Variants in UBOX5 observed in about 807,000 individuals in gnomAD.
UBOX5 encodes U-box domain containing 5.
A neutral mutation model predicts 39.0 loss-of-function variants in UBOX5; 28 were observed. The ratio of observed to expected loss-of-function variants is 0.72; its 90% CI spans 0.53 to 0.98. UBOX5 has a LOEUF of 0.98. Ranked by LOEUF, UBOX5 falls within the 50% of genes least tolerant of loss-of-function variation. UBOX5 has a pLI of 0.00. For missense variants in UBOX5, 585 were observed against 674.4 expected, an observed-to-expected ratio of 0.87 and a Z score of 1.47; for synonymous variants, 283 against 275.5, an observed-to-expected ratio of 1.03 and a Z score of -0.27.
chr20:3,112,899 G>C (rs2066264363), intron 4 of UBOX5, among the ~76,000 whole-genome samples: 1 of 152,106 alleles, frequency 6.6e-6, no homozygotes, highest in African/African-American at 2.4e-5. Flanking sequence ...CAGGGAGAAA[G>C]AGGTTGCAGT....
chr20:3,158,681 A>G (rs2066715181), intron 1 of UBOX5, among the ~76,000 whole-genome samples: 1 of 151,936 alleles, frequency 6.6e-6, no homozygotes, highest in Admixed American at 6.6e-5. Flanking sequence ...TCACCATATT[A>G]GCCAAGATGG....
Position 3,121,876 on chromosome 20 carries a change from T to G in UBOX5, c.763A>C (p.Ile255Leu). 6.2e-7 allele frequency: 1 copy of G among 1,613,986 alleles called. No homozygotes were observed. The highest frequency in any genetic ancestry group is 8.5e-7 in the Non-Finnish European group (1 of 1,180,036). The change falls in exon 3 of 5, where the codon ATC becomes CTC. Residue 255 changes from isoleucine (I) to leucine (L), a missense_variant. Transcript: ENST00000217173. ...AACTCCTCAGGCACATCCTGAATGA[T>G]CTCGGCCAGCTTCTGCAGGCTGGAG... ...APSSLQKLAE[I>L]IQDVPEEFLD...
At chr20:3,141,904 T>C (rs528895689) in intron 1 of UBOX5, among the ~76,000 whole-genome samples, 1 of 152,108 alleles carries the variant, frequency 6.6e-6, no homozygotes, top group African/African-American at 2.4e-5. Flanking sequence ...TCCCAGCTAC[T>C]TGGAAGGCTG....
chr20:3,131,256 G>A (rs1219276301), intron 1 of UBOX5, among the ~76,000 whole-genome samples: 5 of 151,034 alleles, frequency 3.3e-5, no homozygotes, highest in Non-Finnish European at 5.9e-5. Flanking sequence ...ATGCCTCTTT[G>A]AACATAATGT....
chr20:3,134,144 T>G (rs772339858), intron 1 of UBOX5, among the ~76,000 whole-genome samples: 4 of 152,132 alleles, frequency 2.6e-5, no homozygotes, highest in Non-Finnish European at 4.4e-5. Flanking sequence ...AGTCATGTAT[T>G]TTAATATACC....
At chr20:3,134,749 C>T (rs971114652) in intron 1 of UBOX5, among the ~76,000 whole-genome samples, 2 of 147,702 alleles carry the variant, frequency 1.4e-5, no homozygotes, top group Non-Finnish European at 1.5e-5. Context: ...ATCCCAGCTA[C>T]TCGGGAGGCT....
chr20:3,126,621 G>C (rs1246324300), intron 1 of UBOX5, among the ~76,000 whole-genome samples: 3 of 151,330 alleles, frequency 2.0e-5, no homozygotes, highest in Non-Finnish European at 4.4e-5. Flanking sequence ...GAGGGAGGGA[G>C]GGAGTGAAGG....
At chr20:3,132,598 C>T (rs2066438057) in intron 1 of UBOX5, among the ~76,000 whole-genome samples, 1 of 151,568 alleles carries the variant, frequency 6.6e-6, no homozygotes, top group Non-Finnish European at 1.5e-5. Context: ...GCGGGCAGAT[C>T]ACTTGAGGTC....
chr20:3,115,503 A>G, intron 3 of UBOX5, 37 bp from the exon 4 acceptor site: 1 of 1,571,004 alleles, frequency 6.4e-7, no homozygotes, highest in Non-Finnish European at 8.6e-7. Flanking sequence ...ATCCAGAGAC[A>G]GGCTCCGCAA....
chr20:3,141,065 C>T lies in UBOX5; in HGVS notation c.-41-17659G>A, dbSNP rs182468746. On this transcript the variant is annotated intron_variant, in intron 1 of 4. Transcript: ENST00000217173. ...TCCCAAGTAGCTGGGATTACAGACA[C>T]GTGCCATCATGCCCGGCTAATTTCT... Among the ~76,000 whole-genome samples the T allele has an allele frequency of 2.6e-5, 4 of 151,588 alleles. No individual in the cohort carries two copies. In the East Asian group the frequency reaches 5.9e-4, roughly 22 times the overall value.
intron 1 of UBOX5, among the ~76,000 whole-genome samples, chr20:3,126,419 C>T (rs528708553): frequency 5.3e-5 from 8 of 151,122 alleles, no homozygotes; most frequent in African/African-American, 9.7e-5. Flanking sequence ...CCTTTGTTCA[C>T]GTGTTTATCT....
intron 1 of UBOX5, among the ~76,000 whole-genome samples, chr20:3,146,116 G>A (rs920869562): frequency 6.6e-6 from 1 of 151,788 alleles, no homozygotes; most frequent in South Asian, 2.1e-4. Context: ...CAAGGCAGGC[G>A]GATCACCGGA....
In UBOX5 at chr20:3,149,297, C is replaced by A. The variant is rs1018163458; in HGVS notation, c.-42+10469G>T. 3 of 535,076 alleles carry A rather than the reference C, an allele frequency of 5.6e-6. No homozygotes were observed. Among genetic ancestry groups the A allele is most frequent in the Non-Finnish European group, 1.0e-5 (3 of 300,458 alleles). The allele number at this position is 535,076 out of a possible 1,614,324, so 33.1% of individuals were successfully genotyped here. A position where few individuals can be genotyped will look rare whatever the true frequency, so the allele number is the denominator to read the frequency against. On this transcript the variant is annotated intron_variant, in intron 1 of 4. Coordinates refer to ENST00000217173, the MANE Select transcript of UBOX5 (RefSeq NM_014948.4). The surrounding 1 kb of genome is among the most constrained non-coding windows in gnomAD (Gnocchi z 4.1). ...GTAGATGAAGAATGAGTGGCTTCTA[C>A]CTATAAAAGCATCCAAATTTACACA...
chr20:3,133,332 T>C (rs1395046018), intron 1 of UBOX5, among the ~76,000 whole-genome samples: 2 of 152,196 alleles, frequency 1.3e-5, no homozygotes, highest in African/African-American at 2.4e-5. Flanking sequence ...ACGGCCTCCC[T>C]AGTCCTGCTG....
At position 3,108,827 on chromosome 20, in the gene UBOX5, G is replaced by C. The variant is rs547875508; in HGVS notation, c.*1279C>G. On this transcript the variant is annotated 3_prime_UTR_variant, in exon 5 of 5. Transcript: ENST00000217173. ...ACATGCCTATAGTTCCTGCTACCTG[G>C]GAGGCTGAGGTAGAAGGATCCCTTA... is the stretch of plus-strand genomic sequence containing the variant. 2 of 152,130 alleles carry C rather than the reference G, an allele frequency of 1.3e-5. No individual in the cohort carries two copies. Among genetic ancestry groups the C allele is most frequent in the African/African-American group, 2.4e-5 (1 of 41,478 alleles). The allele number at this position is 152,130 out of a possible 1,614,324, so 9.4% of individuals were successfully genotyped here. A position where few individuals can be genotyped will look rare whatever the true frequency, so the allele number is the denominator to read the frequency against.
chr20:3,133,653 G>C (rs540223492), intron 1 of UBOX5, among the ~76,000 whole-genome samples: 1 of 151,956 alleles, frequency 6.6e-6, no homozygotes, highest in South Asian at 2.1e-4. Flanking sequence ...TCTGATTTCA[G>C]TGTTAAAAGC....
At chr20:3,113,554 C>T (rs1341128300) in intron 4 of UBOX5, among the ~76,000 whole-genome samples, 1 of 152,070 alleles carries the variant, frequency 6.6e-6, no homozygotes, top group Non-Finnish European at 1.5e-5. Flanking sequence ...GGGGCTACTG[C>T]AGGAGTCTGG....
At chr20:3,112,945 G>A (rs145506067) in intron 4 of UBOX5, among the ~76,000 whole-genome samples, 1,786 of 150,686 alleles carry the variant, frequency 0.012, 30 homozygotes, top group African/African-American at 0.041. Flanking sequence ...CAGCCTGGGC[G>A]ACAGAGCGAG....
chr20:3,150,133 T>C (rs2066609772), intron 1 of UBOX5, among the ~76,000 whole-genome samples: 1 of 152,220 alleles, frequency 6.6e-6, no homozygotes, highest in East Asian at 1.9e-4. Flanking sequence ...TTTTACTTTT[T>C]AGAAGATGCC....
Sources: gnomAD v4.1 joint callset for allele counts (sites outside exome capture counted in the v4.1 genomes callset) on GRCh38, gnomAD v4.1.1 for gene constraint, Gnocchi (gnomAD v3.1) non-coding constraint, MANE v1.5 for transcripts, NCBI Gene and HGNC (gene_info 2026-07-23, HGNC 2026-07-21) for gene names.